Variants in SHROOM2 observed in about 807,000 individuals in gnomAD.
SHROOM2 encodes the protein protein Shroom2.
In SHROOM2, 33 loss-of-function variants were observed where a neutral mutation model predicts 75.9. The observed-to-expected ratio is 0.43, with a 90% CI of 0.33 to 0.58. The LOEUF (loss-of-function observed/expected upper bound fraction) is 0.58, where lower values mean the gene tolerates loss of function less well. SHROOM2 is among the 20% of genes least tolerant of loss of function. SHROOM2 has a pLI of 0.04. For missense variants in SHROOM2, 1,434 were observed against 1,461.2 expected (o/e 0.98, Z 0.30); for synonymous variants, 655 against 663.6 (o/e 0.99, Z 0.20).
rs1438182025 is a variant in SHROOM2 at position 9,946,931 on chromosome X, C to A, written c.4845C>A (p.Gly1615=). 1 of 1,193,746 alleles carries A rather than the reference C, an allele frequency of 8.4e-7. No individual in the cohort carries two copies. Among genetic ancestry groups the A allele is most frequent in the Non-Finnish European group, 1.1e-6 (1 of 885,768 alleles). Residue 1615 remains glycine (G), a synonymous_variant, in exon 10 of 10, where the codon GGC becomes GGA. Transcript: ENST00000380913. ...TGGACAGCCTTCAGCCCGAAAGGGG[C>A]AAATAAGAGACCAGTCCCCGGTGGA... ...CLLDSLQPER[G]K is the part of the protein sequence containing the mutation.
intron 1 of SHROOM2, among the ~76,000 whole-genome samples, chrX:9,788,936 C>CT (rs1373547384): frequency 9.0e-6 from 1 of 110,904 alleles, no homozygotes; most frequent in East Asian, 2.8e-4. Context: ...TTTTGAATCT[C>CT]TTTTGTTAGA....
Position 9,896,322 on chromosome X carries a change from G to T in SHROOM2, c.2414G>T (p.Ser805Ile). The change falls in exon 4 of 10, where the codon AGC (serine) becomes ATC (isoleucine). Residue 805 changes from serine to isoleucine, a missense_variant. By Grantham distance (142) the Ser-to-Ile change is moderately radical. Around this residue, in one of 3 missense-constraint regions of SHROOM2, gnomAD observed 1,340 missense variants for 1,338.3 expected, o/e 1.00. Transcript: ENST00000380913. Reference sequence around the variant, plus strand: ...AGGTGGAAGTTTTTTGAGGAAACGAGCAAACCTGTTCCCCAGAGGCCTGCC... The same window carrying T: ...AGGTGGAAGTTTTTTGAGGAAACGATCAAACCTGTTCCCCAGAGGCCTGCC... ...ADRWKFFEET[S>I]KPVPQRPAQK... 8.2e-7 allele frequency: 1 copy of T among 1,212,128 alleles called. No individual in the cohort carries two copies. Among genetic ancestry groups the T allele is most frequent in the Non-Finnish European group, 1.1e-6 (1 of 895,546 alleles).
rs962610524 is a variant in SHROOM2 at position 9,832,242 on chromosome X, C to A, written c.166-41410C>A. On this transcript the variant is annotated intron_variant, in intron 1 of 9. Transcript: ENST00000380913. ...AGAGGCAGGGAGCTCCTTAGGCCTG[C>A]ACAGTGGGGCTTGGCCAGGGATCCA... is the stretch of plus-strand genomic sequence containing the variant. Among the ~76,000 whole-genome samples, 3 of 112,042 alleles carry A rather than the reference C, an allele frequency of 2.7e-5. No homozygotes were observed. In the Admixed American group the frequency reaches 2.8e-4, roughly 11 times the overall value.
intron 1 of SHROOM2, among the ~76,000 whole-genome samples, chrX:9,841,255 C>T (rs1349248253): frequency 8.7e-5 from 4 of 45,729 alleles, no homozygotes; most frequent in Non-Finnish European, 1.7e-4. Context: ...TGTGCCTGGC[C>T]ATTTTTTTTT....
intron 1 of SHROOM2, among the ~76,000 whole-genome samples, chrX:9,856,053 A>G (rs1250013477): frequency 2.8e-5 from 3 of 105,301 alleles, no homozygotes; most frequent in Admixed American, 1.0e-4. Context: ...TTAAAGCAAA[A>G]CCGAATGAAC....
chrX:9,896,082 C>T lies in SHROOM2; in HGVS notation c.2174C>T (p.Pro725Leu), dbSNP rs771303999. The change falls in exon 4 of 10, where the codon CCC (proline) becomes CTC (leucine). Residue 725 changes from proline (P) to leucine (L), a missense_variant. By Grantham distance (98) the Pro-to-Leu change is moderately conservative. Transcript: ENST00000380913. ...CGGATGGGGGATCCAGACACTGTCC[C>T]CCACTTCTGGGAGGCAGGCCTGGCC... ...EHRMGDPDTV[P>L]HFWEAGLAQP... The T allele has an allele frequency of 4.1e-6, 5 of 1,210,485 alleles. No homozygotes were observed. Among genetic ancestry groups the T allele is most frequent in the Non-Finnish European group, 5.6e-6 (5 of 895,198 alleles).
Position 9,944,865 on chromosome X carries a change from G to A in SHROOM2, c.4536G>A (p.Val1512=). The change falls in exon 9 of 10, where the codon GTG becomes GTA. Residue 1512 remains valine, a synonymous_variant. Transcript: ENST00000380913. ...CGCTGTCAGGCCGCCTGGCCCGGGT[G>A]GAGAATGCCCTCAATAATTTGGACG... ...LLSLSGRLAR[V]ENALNNLDDG... 1 of 1,210,712 alleles carries A rather than the reference G, an allele frequency of 8.3e-7. No individual in the cohort carries two copies. The highest frequency in any genetic ancestry group is 1.1e-6 in the Non-Finnish European group (1 of 894,834).
intron 3 of SHROOM2, among the ~76,000 whole-genome samples, chrX:9,891,747 A>G (rs2084293937): frequency 1.9e-5 from 2 of 107,415 alleles, no homozygotes; most frequent in African/African-American, 6.9e-5. Context: ...TATGTGTATG[A>G]GTGTTCATGT....
intron 1 of SHROOM2, among the ~76,000 whole-genome samples, chrX:9,862,327 G>A (rs1198193624): frequency 9.1e-6 from 1 of 110,306 alleles, no homozygotes; most frequent in South Asian, 3.9e-4. Context: ...AATAAATTTG[G>A]AACTATTCTC....
intron 5 of SHROOM2, among the ~76,000 whole-genome samples, chrX:9,920,360 C>T (rs895947525): frequency 8.9e-6 from 1 of 112,324 alleles, no homozygotes; most frequent in Non-Finnish European, 1.9e-5. Context: ...TAGATCCATC[C>T]TAGATGTCTA....
chrX:9,847,605 G>A (rs1265643078), intron 1 of SHROOM2, among the ~76,000 whole-genome samples: 1 of 112,113 alleles, frequency 8.9e-6, no homozygotes, highest in Admixed American at 9.4e-5. Flanking sequence ...CTTGCAAAAC[G>A]GCCAGTTGCA....
chrX:9,874,734 G>A (rs1307016465), intron 2 of SHROOM2: 1 of 109,732 alleles, frequency 9.1e-6, no homozygotes, highest in African/African-American at 3.3e-5. Flanking sequence ...TTTGAAGTGG[G>A]GGTGGGTGGA....
intron 3 of SHROOM2, among the ~76,000 whole-genome samples, chrX:9,893,050 G>A (rs1316730948): frequency 8.9e-6 from 1 of 111,950 alleles, no homozygotes; most frequent in Non-Finnish European, 1.9e-5. Flanking sequence ...CAATAACTCT[G>A]TAGGGTATAA....
Position 9,786,617 on chromosome X carries a change from G to A in SHROOM2, c.72G>A (p.Gly24=). 1 of 880,836 alleles carries A rather than the reference G, an allele frequency of 1.1e-6. No homozygotes were observed. Among genetic ancestry groups the A allele is most frequent in the Non-Finnish European group, 1.4e-6 (1 of 719,682 alleles). The allele number at this position is 880,836 out of a possible 1,213,427, so 72.6% of individuals were successfully genotyped here. A position where few individuals can be genotyped will look rare whatever the true frequency, so the allele number is the denominator to read the frequency against. Residue 24 remains glycine, a synonymous_variant, in exon 1 of 10, where the codon GGG becomes GGA. Transcript: ENST00000380913. Reference sequence around the variant, plus strand: ...CCGAGACGCGGGCGGCGGACGGCGGGCGCCTGGTGGAGGTGCAGCTGAGCG... The same window carrying A: ...CCGAGACGCGGGCGGCGGACGGCGGACGCCTGGTGGAGGTGCAGCTGAGCG... ...AEAETRAADG[G]RLVEVQLSGG...
At chrX:9,872,822 A>G (rs1336496293) in intron 1 of SHROOM2, among the ~76,000 whole-genome samples, 4 of 112,224 alleles carry the variant, frequency 3.6e-5, no homozygotes, top group South Asian at 3.7e-4. Flanking sequence ...AACAGCCTGG[A>G]AGCTCCTCAG....
At chrX:9,900,195 T>C (rs1290505487) in intron 5 of SHROOM2, among the ~76,000 whole-genome samples, 1 of 110,983 alleles carries the variant, frequency 9.0e-6, no homozygotes, top group East Asian at 2.8e-4. Context: ...TTCAGAATTG[T>C]TGGGTGCGGT....
In SHROOM2 at chrX:9,895,763, C is replaced by T; in HGVS notation, c.1855C>T (p.Pro619Ser). ...PPPFDAHVGK[P>S]TRRSDRFATT... is the part of the protein sequence containing the mutation. The stretch of plus-strand genomic sequence containing the variant: ...ACCGTTCGACGCCCACGTGGGCAAG[C>T]CCACCCGAAGAAGCGACCGCTTTGC... The change falls in exon 4 of 10, where the codon CCC (proline) becomes TCC (serine). Residue 619 changes from proline to serine, a missense_variant. By Grantham distance (74) the Pro-to-Ser change is moderately conservative. Transcript: ENST00000380913. 1 of 1,202,055 alleles carries T rather than the reference C, an allele frequency of 8.3e-7. No individual in the cohort carries two copies. Among genetic ancestry groups the T allele is most frequent in the South Asian group, 1.8e-5 (1 of 55,568 alleles).
At chrX:9,885,795 T>A (rs1365110096) in intron 2 of SHROOM2, among the ~76,000 whole-genome samples, 2 of 109,621 alleles carry the variant, frequency 1.8e-5, no homozygotes, top group Non-Finnish European at 3.8e-5. Context: ...TCTCTCATTA[T>A]ACAAAAAGTT....
At position 9,896,676 on chromosome X, in the gene SHROOM2, C is replaced by T. The variant is rs868259208; in HGVS notation, c.2768C>T (p.Pro923Leu). ...GTTCATGGGAGGTCCCGGTCTTCAC[C>T]GTCCACAGACCACTACAAGCAGGTA... is the stretch of plus-strand genomic sequence containing the variant. ...QHVHGRSRSS[P>L]STDHYKQEAS... The change falls in exon 4 of 10, where the codon CCG (proline) becomes CTG (leucine). Residue 923 changes from proline to leucine, a missense_variant. This residue lies in a region of SHROOM2 where 1,340 missense variants were observed against 1,338.3 expected (regional missense o/e 1.00). Coordinates refer to ENST00000380913, the MANE Select transcript of SHROOM2 (RefSeq NM_001649.4). 2.5e-6 allele frequency: 3 copies of T among 1,190,311 alleles called. No homozygotes were observed. Among genetic ancestry groups the T allele is most frequent in the Admixed American group, 2.3e-5 (1 of 43,439 alleles).
Sources: allele counts gnomAD v4.1 joint callset (sites outside exome capture counted in the v4.1 genomes callset), GRCh38; gene constraint gnomAD v4.1.1; regional missense constraint gnomAD v4.1.1; transcripts MANE v1.5; gene names NCBI Gene and HGNC (gene_info 2026-07-23, HGNC 2026-07-21).